Variants in CYYR1 observed in about 807,000 individuals in gnomAD.
The protein encoded by CYYR1 is cysteine and tyrosine rich 1.
In CYYR1, 14 loss-of-function variants were observed where a neutral mutation model predicts 15.2. The observed-to-expected ratio is 0.92, with a 90% CI of 0.61 to 1.44. The LOEUF is 1.44. CYYR1 is among the 40% of genes most tolerant of loss of function. The probability of loss-of-function intolerance (pLI) is 0.00; values close to 1 mark genes in which losing one functional copy is unlikely to be tolerated. For synonymous variants in CYYR1, 80 were observed against 77.4 expected (o/e 1.03, Z -0.18); for missense variants, 228 against 209.5 (o/e 1.09, Z -0.54).
chr21:26,559,261 T>A (rs1980028765), intron 2 of CYYR1, among the ~76,000 whole-genome samples: 1 of 152,224 alleles, frequency 6.6e-6, no homozygotes, highest in African/African-American at 2.4e-5. Flanking sequence ...TTTTCTGCTC[T>A]ATGCCTTTTT....
intron 2 of CYYR1, 49 bp downstream of exon 2, chr21:26,566,217 C>T (rs1283361028): frequency 3.7e-6 from 5 of 1,361,102 alleles, no homozygotes; most frequent in Non-Finnish European, 5.2e-6. Context: ...AACTGGACAA[C>T]TGGACAAGAG....
At chr21:26,476,750 T>A (rs1428296377) in intron 3 of CYYR1, among the ~76,000 whole-genome samples, 2 of 152,136 alleles carry the variant, frequency 1.3e-5, no homozygotes, top group African/African-American at 4.8e-5. Context: ...AGTATTTGAC[T>A]TTTATATCTT....
At chr21:26,566,145 T>A in intron 2 of CYYR1, 121 bp downstream of exon 2, 1 of 678,906 alleles carries the variant, frequency 1.5e-6, no homozygotes, top group Non-Finnish European at 2.5e-6. Flanking sequence ...AAAGATTTCA[T>A]GTCAATAACC....
chr21:26,527,396 T>C (rs1456396047), intron 2 of CYYR1, among the ~76,000 whole-genome samples: 3 of 152,188 alleles, frequency 2.0e-5, no homozygotes, highest in African/African-American at 7.2e-5. Flanking sequence ...CCAATTTACA[T>C]AACCAAATAA....
At chr21:26,512,077 G>A (rs1006501732) in intron 2 of CYYR1, among the ~76,000 whole-genome samples, 2 of 151,678 alleles carry the variant, frequency 1.3e-5, no homozygotes, top group Non-Finnish European at 2.9e-5. Context: ...TTTTCCTCTC[G>A]TCTATTTCTT....
chr21:26,523,337 GAGATAATTCC>G (rs1160555150), intron 2 of CYYR1, among the ~76,000 whole-genome samples: 1 of 152,090 alleles, frequency 6.6e-6, no homozygotes, highest in Non-Finnish European at 1.5e-5. Flanking sequence ...TTGCTCCCCT[GAGATAATTCC>G]AAAGTTGTGT....
At chr21:26,497,154 T>G (rs2065416148) in intron 2 of CYYR1, among the ~76,000 whole-genome samples, 1 of 152,188 alleles carries the variant, frequency 6.6e-6, no homozygotes, top group Admixed American at 6.5e-5. Flanking sequence ...ACTTTGGTCC[T>G]TAAAACATCC....
intron 2 of CYYR1, among the ~76,000 whole-genome samples, chr21:26,565,637 C>T (rs1020191516): frequency 6.6e-6 from 1 of 152,152 alleles, no homozygotes; most frequent in African/African-American, 2.4e-5. Context: ...AAATAAATTT[C>T]TAATTTGTTA....
chr21:26,518,258 T>C (rs1017239267), intron 2 of CYYR1, among the ~76,000 whole-genome samples: 2 of 152,220 alleles, frequency 1.3e-5, no homozygotes, highest in Non-Finnish European at 2.9e-5. Context: ...TTTTTTGCCC[T>C]GTGTTCTGGT....
chr21:26,562,362 A>G (rs1169375080), intron 2 of CYYR1, among the ~76,000 whole-genome samples: 1 of 152,214 alleles, frequency 6.6e-6, no homozygotes, highest in African/African-American at 2.4e-5. Flanking sequence ...TATTGTCTTA[A>G]TGATGCCTAA....
chr21:26,554,340 T>C (rs1979613858), intron 2 of CYYR1, among the ~76,000 whole-genome samples: 1 of 152,084 alleles, frequency 6.6e-6, no homozygotes. Context: ...ATATATGTAA[T>C]TTTTTTCTAT....
intron 2 of CYYR1, among the ~76,000 whole-genome samples, chr21:26,491,380 T>C (rs1235251486): frequency 6.6e-6 from 1 of 152,158 alleles, no homozygotes. Flanking sequence ...AACTGGTTTT[T>C]TAATAGTGAC....
chr21:26,487,726 A>G (rs1320215922), intron 2 of CYYR1, among the ~76,000 whole-genome samples: 1 of 152,058 alleles, frequency 6.6e-6, no homozygotes, highest in African/African-American at 2.4e-5. Context: ...TCTCAGAACT[A>G]TCTCTATTTC....
intron 2 of CYYR1, among the ~76,000 whole-genome samples, chr21:26,505,876 A>G (rs146855646): frequency 1.4e-3 from 207 of 152,352 alleles, no homozygotes; most frequent in African/African-American, 4.8e-3. Context: ...TTAAGGAACT[A>G]TTTAGTCTTG....
intron 2 of CYYR1, among the ~76,000 whole-genome samples, chr21:26,521,326 C>T (rs1020366021): frequency 1.3e-5 from 2 of 152,190 alleles, no homozygotes; most frequent in African/African-American, 4.8e-5. Context: ...ACCCATCATG[C>T]TAACCAGCCC....
chr21:26,483,310 T>C, intron 2 of CYYR1: 1 of 279,774 alleles, frequency 3.6e-6, no homozygotes, highest in Non-Finnish European at 5.4e-6. Context: ...TGTTTGTATT[T>C]CCTCGTCCTG....
At chr21:26,568,321 C>T (rs529525948) in intron 1 of CYYR1, 3 of 152,252 alleles carry the variant, frequency 2.0e-5, no homozygotes, top group African/African-American at 7.2e-5. Flanking sequence ...CGCCTACAGC[C>T]ATCTGATCTT....
intron 2 of CYYR1, chr21:26,483,412 CAAAA>C (rs10533983): frequency 2.4e-3 from 2,117 of 890,462 alleles, no homozygotes; most frequent in Middle Eastern, 2.9e-3. Flanking sequence ...TCTCTCCTAT[CAAAA>C]AAAAAAAAAA....
chr21:26,501,291 T>C (rs988102827), intron 2 of CYYR1, among the ~76,000 whole-genome samples: 4 of 152,180 alleles, frequency 2.6e-5, no homozygotes, highest in Non-Finnish European at 4.4e-5. Context: ...GAGCCGAGAT[T>C]GCACCACTGC....
Sources: gnomAD v4.1 joint callset for allele counts (sites outside exome capture counted in the v4.1 genomes callset) on GRCh38, gnomAD v4.1.1 for gene constraint, MANE v1.5 for transcripts, NCBI Gene and HGNC (gene_info 2026-07-23, HGNC 2026-07-21) for gene names.